The following SGIP1 variants were observed in gnomAD, a reference collection of about 807,000 sequenced individuals.
SGIP1 encodes SH3-containing GRB2-like protein 3-interacting protein 1.
SGIP1 carries 38 observed loss-of-function variants against 107.5 expected under a neutral mutation model. That is an observed-to-expected ratio of 0.35 (90% CI 0.27 to 0.46). The LOEUF is 0.46. Ranked by LOEUF, SGIP1 falls within the 20% of genes least tolerant of loss-of-function variation. SGIP1 has a pLI of 1.00. For missense variants in SGIP1, 929 were observed against 1,019.5 expected (o/e 0.91, Z 1.21); for synonymous variants, 365 against 366.1 (o/e 1.00, Z 0.03).
At chr1:66,686,358 C>G (rs79513763) in intron 15 of SGIP1, among the ~76,000 whole-genome samples, 1 of 152,098 alleles carries the variant, frequency 6.6e-6, no homozygotes, top group African/African-American at 2.4e-5. Context: ...GCATGTCAAT[C>G]GTTGCCAACC....
chr1:66,664,957 C>T lies in SGIP1; in HGVS notation c.472-2573C>T, dbSNP rs116403737. 7.8e-3 allele frequency among the ~76,000 whole-genome samples: 1,184 copies of T among 152,054 alleles called. 4 individuals carry two copies. The highest frequency in any genetic ancestry group is 0.013 in the Non-Finnish European group (883 of 67,986). On this transcript the variant is annotated intron_variant, in intron 8 of 24. Coordinates refer to ENST00000371037, the MANE Select transcript of SGIP1 (RefSeq NM_032291.4). The stretch of plus-strand genomic sequence containing the variant: ...AGAGGTCATACATCTGCTTGTTGTG[C>T]TTTTGTTGTTGTTGTTGTTGTTGTT...
intron 21 of SGIP1, among the ~76,000 whole-genome samples, chr1:66,735,343 G>A (rs1430543532): frequency 1.3e-5 from 2 of 152,006 alleles, no homozygotes; most frequent in African/African-American, 4.8e-5. Context: ...AGCCTCCCAA[G>A]TAGCTGGGAT....
At chr1:66,688,651 C>T (rs2089068756) in intron 15 of SGIP1, among the ~76,000 whole-genome samples, 1 of 152,208 alleles carries the variant, frequency 6.6e-6, no homozygotes, top group Admixed American at 6.5e-5. Context: ...AGTTGGTGCT[C>T]ATAGCTTGAC....
chr1:66,616,390 A>G (rs1038839971), intron 1 of SGIP1, among the ~76,000 whole-genome samples: 1 of 149,350 alleles, frequency 6.7e-6, no homozygotes, highest in African/African-American at 2.4e-5. Context: ...TAACTATCAA[A>G]ATTCCAAGAA....
intron 18 of SGIP1, among the ~76,000 whole-genome samples, chr1:66,712,884 T>C (rs1378199134): frequency 6.6e-6 from 1 of 152,180 alleles, no homozygotes; most frequent in Non-Finnish European, 1.5e-5. Context: ...CTGTGCCCTC[T>C]TCCATTCCTC....
In SGIP1 at chr1:66,682,182, A is replaced by G; in HGVS notation, c.1128A>G (p.Leu376=). 2 of 1,614,186 alleles carry G rather than the reference A, an allele frequency of 1.2e-6. No individual in the cohort carries two copies. Among genetic ancestry groups the G allele is most frequent in the African/African-American group, 1.3e-5 (1 of 75,064 alleles). ...PPRNVLSPLN[L]EEVQKKVAEQ... ...GCAATGTACTATCGCCGCTCAATTT[A>G]GAAGAAGTCCAGAAGAAAGTCGCTG... Residue 376 remains leucine (L), a synonymous_variant, in exon 15 of 25, where the codon TTA becomes TTG. Transcript: ENST00000371037.
intron 2 of SGIP1, among the ~76,000 whole-genome samples, chr1:66,629,551 T>C (rs2073781765): frequency 6.6e-6 from 1 of 151,882 alleles, no homozygotes; most frequent in Admixed American, 6.6e-5. Flanking sequence ...ATGGGTAGAA[T>C]TAAAATCCAG....
At chr1:66,613,561 C>A (rs2068513299) in intron 1 of SGIP1, among the ~76,000 whole-genome samples, 1 of 152,180 alleles carries the variant, frequency 6.6e-6, no homozygotes, top group Non-Finnish European at 1.5e-5. Flanking sequence ...AACTCATGAG[C>A]TCAAGTGATG....
rs999045914 is a variant in SGIP1, at chr1:66,552,403, C to T, written c.10+18035C>T. 5.3e-5 allele frequency among the ~76,000 whole-genome samples: 8 copies of T among 152,118 alleles called. No individual in the cohort carries two copies. The South Asian group carries it at 8.3e-4, about 16-fold the overall frequency. On this transcript the variant is annotated intron_variant, in intron 1 of 24. Coordinates refer to ENST00000371037, the MANE Select transcript of SGIP1 (RefSeq NM_032291.4). ...CTTTTCTGCACTGTGTGCTCATTTG[C>T]GCCATCACACTGCTCCCCCTTTTCT...
At chr1:66,684,240 T>G in intron 15 of SGIP1, 1 of 1,549,924 alleles carries the variant, frequency 6.5e-7, no homozygotes, top group Non-Finnish European at 8.7e-7. Flanking sequence ...CCAGGCACTT[T>G]TGTAAGGTTT....
chr1:66,681,800 C>G, intron 14 of SGIP1, 69 bp from the exon 15 acceptor site: 180 of 1,473,572 alleles, frequency 1.2e-4, no homozygotes, highest in Non-Finnish European at 1.5e-4. Flanking sequence ...CCAGTCTTTG[C>G]CTCCCTCCCT....
chr1:66,651,349 T>A (rs187620339), intron 7 of SGIP1, among the ~76,000 whole-genome samples: 104 of 152,280 alleles, frequency 6.8e-4, no homozygotes, highest in Non-Finnish European at 2.5e-4. Flanking sequence ...GTTGAGACAT[T>A]GAGGGATTTA....
chr1:66,718,826 T>G (rs555769886), intron 18 of SGIP1, among the ~76,000 whole-genome samples: 1 of 151,822 alleles, frequency 6.6e-6, no homozygotes, highest in Non-Finnish European at 1.5e-5. Flanking sequence ...GAAATGGAAA[T>G]AATCCAGAAA....
chr1:66,673,656 A>G (rs1159383735), intron 12 of SGIP1, among the ~76,000 whole-genome samples: 2 of 152,206 alleles, frequency 1.3e-5, no homozygotes, highest in Non-Finnish European at 2.9e-5. Context: ...GTCATGGAGT[A>G]AACACTCTGG....
chr1:66,674,232 GT>G (rs2084623871), intron 12 of SGIP1, among the ~76,000 whole-genome samples: 1 of 152,028 alleles, frequency 6.6e-6, no homozygotes, highest in Non-Finnish European at 1.5e-5. Flanking sequence ...TTATTTTTGA[GT>G]TTACTTATTA....
At chr1:66,555,079 G>A (rs1037130016) in intron 1 of SGIP1, among the ~76,000 whole-genome samples, 5 of 151,980 alleles carry the variant, frequency 3.3e-5, no homozygotes, top group African/African-American at 4.8e-5. Flanking sequence ...ATGCCTCTCC[G>A]TATTTTTCTT....
At chr1:66,608,451 T>G (rs113496722) in intron 1 of SGIP1, among the ~76,000 whole-genome samples, 4 of 152,238 alleles carry the variant, frequency 2.6e-5, no homozygotes, top group African/African-American at 9.6e-5. Flanking sequence ...ATTTTGATGA[T>G]GAAAAGTTAC....
intron 1 of SGIP1, among the ~76,000 whole-genome samples, chr1:66,616,987 G>C (rs570736449): frequency 2.6e-5 from 4 of 152,208 alleles, no homozygotes; most frequent in African/African-American, 4.8e-5. Flanking sequence ...CTCCCAAAAG[G>C]TTCAGTGCTC....
intron 1 of SGIP1, among the ~76,000 whole-genome samples, chr1:66,621,319 C>T (rs2071039987): frequency 6.6e-6 from 1 of 152,172 alleles, no homozygotes; most frequent in African/African-American, 2.4e-5. Flanking sequence ...GTAACATGTG[C>T]CACAAACTTT....
Sources: allele counts gnomAD v4.1 joint callset (sites outside exome capture counted in the v4.1 genomes callset), GRCh38; gene constraint gnomAD v4.1.1; transcripts MANE v1.5; gene names NCBI Gene and HGNC (gene_info 2026-07-23, HGNC 2026-07-21).